Variants in CTNNAL1 observed in about 807,000 individuals in gnomAD.
The protein encoded by CTNNAL1 is catenin alpha like 1.
In CTNNAL1, 69 loss-of-function variants were observed where a neutral mutation model predicts 93.6. The observed-to-expected ratio is 0.74, with a 90% CI of 0.61 to 0.90. The LOEUF (loss-of-function observed/expected upper bound fraction) is 0.90, where lower values mean the gene tolerates loss of function less well. Among genes scored for constraint, CTNNAL1 ranks in the 40% least tolerant of loss-of-function variants. The probability of loss-of-function intolerance (pLI) is 0.00; values close to 1 mark genes in which losing one functional copy is unlikely to be tolerated. For synonymous variants in CTNNAL1, 286 were observed against 305.4 expected (o/e 0.94, Z 0.66); for missense variants, 836 against 862.0 (o/e 0.97, Z 0.38).
intron 3 of CTNNAL1, chr9:108,992,116 A>C (rs1217136291): frequency 4.0e-6 from 3 of 749,430 alleles, no homozygotes; most frequent in Non-Finnish European, 5.0e-6. Flanking sequence ...ATTTTTATCA[A>C]CTAGGTTTCT....
chr9:108,952,082 T>A, intron 14 of CTNNAL1, 127 bp downstream of exon 14: 1 of 709,436 alleles, frequency 1.4e-6, no homozygotes, highest in Non-Finnish European at 2.2e-6. Flanking sequence ...TCATAGTAAC[T>A]ACTTTTAGTC....
chr9:109,007,192 G>A (rs537790234), intron 1 of CTNNAL1, among the ~76,000 whole-genome samples: 175 of 151,908 alleles, frequency 1.2e-3, no homozygotes, highest in Non-Finnish European at 1.5e-3. Context: ...CCGAGATCCC[G>A]CCATTGCACT....
At chr9:109,005,113 C>T (rs1826976566) in intron 1 of CTNNAL1, among the ~76,000 whole-genome samples, 1 of 152,042 alleles carries the variant, frequency 6.6e-6, no homozygotes, top group Non-Finnish European at 1.5e-5. Context: ...CCTAAAAGCT[C>T]ATTACATAAT....
intron 14 of CTNNAL1, among the ~76,000 whole-genome samples, chr9:108,949,324 T>C (rs1163097465): frequency 6.6e-6 from 1 of 152,198 alleles, no homozygotes; most frequent in Non-Finnish European, 1.5e-5. Flanking sequence ...TGGGATACTC[T>C]ACAATTCTGA....
intron 1 of CTNNAL1, among the ~76,000 whole-genome samples, chr9:109,004,486 T>C (rs1004005881): frequency 1.4e-4 from 22 of 152,212 alleles, no homozygotes; most frequent in African/African-American, 4.8e-4. Context: ...CTCTGACTTA[T>C]AATGTTAGTA....
intron 8 of CTNNAL1, 31 bp from the exon 9 acceptor site, chr9:108,972,864 G>GCCCCCCCCCCCCCC: frequency 4.9e-5 from 7 of 142,562 alleles, no homozygotes; most frequent in East Asian, 4.4e-4. Context: ...GGGGGGGTGG[G>GCCCCCCCCCCCCCC]AGGGTGGAGA....
chr9:109,009,577 T>C (rs925238751), intron 1 of CTNNAL1, among the ~76,000 whole-genome samples: 2 of 152,220 alleles, frequency 1.3e-5, no homozygotes, highest in African/African-American at 4.8e-5. Context: ...CCTGTTCTGA[T>C]ACCCACATTG....
At chr9:108,950,569 GGGACTGCATC>G in intron 14 of CTNNAL1, 1 of 1,550,334 alleles carries the variant, frequency 6.5e-7, no homozygotes. Flanking sequence ...CTCTAAGCTT[GGGACTGCATC>G]TTCCCCACTC....
chr9:108,981,102 C>T (rs1333417046), intron 6 of CTNNAL1, among the ~76,000 whole-genome samples: 2 of 152,238 alleles, frequency 1.3e-5, no homozygotes, highest in Admixed American at 6.5e-5. Context: ...CCAGAGCTGT[C>T]GGCAGCAGCC....
chr9:108,976,111 C>A (rs1053880982), intron 8 of CTNNAL1, among the ~76,000 whole-genome samples: 3 of 152,188 alleles, frequency 2.0e-5, no homozygotes, highest in Non-Finnish European at 4.4e-5. Context: ...TAATTTTGAA[C>A]ATTTCCATCA....
rs1411040767 is a variant in CTNNAL1, at chr9:108,992,789, G to A, written c.362C>T (p.Thr121Ile). ...GETIAALTDI[T>I]NLNHLESDGQ... The stretch of plus-strand genomic sequence containing the variant: ...ATCAGATTCCAGATGGTTCAAGTTG[G>A]TTATGTCTGTAAGTGCTGCAATTGT... Residue 121 changes from threonine to isoleucine, a missense_variant, in exon 3 of 19, where the codon ACC (threonine) becomes ATC (isoleucine). By Grantham distance (89) the Thr-to-Ile change is moderately conservative. Transcript: ENST00000325551. The A allele has an allele frequency of 1.9e-6, 3 of 1,613,010 alleles. No homozygotes were observed. Among genetic ancestry groups the A allele is most frequent in the South Asian group, 2.2e-5 (2 of 90,810 alleles).
chr9:109,006,681 A>G (rs538123612), intron 1 of CTNNAL1, among the ~76,000 whole-genome samples: 1 of 152,330 alleles, frequency 6.6e-6, no homozygotes, highest in East Asian at 1.9e-4. Flanking sequence ...TCCCTTGGGG[A>G]AGAAAGAAGA....
chr9:108,944,540 A>G (rs1158949761), intron 15 of CTNNAL1, among the ~76,000 whole-genome samples: 1 of 152,196 alleles, frequency 6.6e-6, no homozygotes, highest in African/African-American at 2.4e-5. Flanking sequence ...ACTATTCACC[A>G]TGTACCATGA....
chr9:108,977,222 G>T (rs1392631903), intron 7 of CTNNAL1, 174 bp from the exon 8 acceptor site: 4 of 370,674 alleles, frequency 1.1e-5, no homozygotes, highest in Non-Finnish European at 1.9e-5. Flanking sequence ...TTTCAGTTTA[G>T]TTATATTTTT....
At chr9:108,994,806 A>G (rs1282404118) in intron 2 of CTNNAL1, among the ~76,000 whole-genome samples, 1 of 152,218 alleles carries the variant, frequency 6.6e-6, no homozygotes, top group Non-Finnish European at 1.5e-5. Context: ...TAACTGAGGC[A>G]GCTGTCTGGG....
chr9:109,010,903 C>T (rs1283994513), intron 1 of CTNNAL1, among the ~76,000 whole-genome samples: 1 of 152,176 alleles, frequency 6.6e-6, no homozygotes, highest in East Asian at 1.9e-4. Context: ...AGAGTATGTA[C>T]CATTGATGAT....
chr9:108,991,974 AC>A, intron 3 of CTNNAL1: 1 of 707,740 alleles, frequency 1.4e-6, no homozygotes, highest in South Asian at 1.5e-5. Flanking sequence ...TTATTCAGTA[AC>A]ATTTAGGGAC....
intron 9 of CTNNAL1, among the ~76,000 whole-genome samples, chr9:108,972,025 ATATCCAATG>A (rs1350282318): frequency 6.6e-6 from 1 of 152,096 alleles, no homozygotes; most frequent in African/African-American, 2.4e-5. Flanking sequence ...TCCTAATGGG[ATATCCAATG>A]GGAAGCCCCA....
chr9:108,972,868 G>GC, intron 8 of CTNNAL1, 35 bp from the exon 9 acceptor site: 15 of 1,092,764 alleles, frequency 1.4e-5, no homozygotes, highest in Middle Eastern at 3.3e-4. Flanking sequence ...GGGTGGGAGG[G>GC]TGGAGAAGGA....
Sources: gnomAD v4.1 joint callset for allele counts (sites outside exome capture counted in the v4.1 genomes callset) on GRCh38, gnomAD v4.1.1 for gene constraint, MANE v1.5 for transcripts, NCBI Gene and HGNC (gene_info 2026-07-23, HGNC 2026-07-21) for gene names.